Variants in DCC observed in about 807,000 individuals in gnomAD.
The protein encoded by DCC is DCC netrin 1 receptor.
DCC carries 58 observed loss-of-function variants against 172.5 expected under a neutral mutation model. That is an observed-to-expected ratio of 0.34 (90% CI 0.27 to 0.42). DCC has a LOEUF of 0.42. DCC is among the 10% of genes least tolerant of loss of function. The pLI is 1.00. For missense variants in DCC, 1,740 were observed against 1,791.0 expected, an observed-to-expected ratio of 0.97 and a Z score of 0.51; for synonymous variants, 709 against 644.5, an observed-to-expected ratio of 1.10 and a Z score of -1.52.
At chr18:52,454,035 A>G (rs953807785) in intron 1 of DCC, among the ~76,000 whole-genome samples, 3 of 152,168 alleles carry the variant, frequency 2.0e-5, no homozygotes, top group African/African-American at 7.2e-5. Flanking sequence ...GGGGTCAGGA[A>G]GGATGCTTCA....
chr18:52,428,810 A>G (rs1033469061), intron 1 of DCC, among the ~76,000 whole-genome samples: 1 of 152,082 alleles, frequency 6.6e-6, no homozygotes, highest in East Asian at 1.9e-4. Context: ...TATTAATCCA[A>G]CTGTATTTTC....
chr18:52,500,841 T>A (rs2030991177), intron 1 of DCC, among the ~76,000 whole-genome samples: 1 of 152,184 alleles, frequency 6.6e-6, no homozygotes, highest in Admixed American at 6.6e-5. Flanking sequence ...TTTTTGATTC[T>A]TAATTTCCTC....
At chr18:52,724,986 A>C (rs2036530440) in intron 1 of DCC, among the ~76,000 whole-genome samples, 1 of 152,180 alleles carries the variant, frequency 6.6e-6, no homozygotes, top group South Asian at 2.1e-4. Flanking sequence ...TTTCTCACCA[A>C]ATAAAGAAAT....
intron 1 of DCC, among the ~76,000 whole-genome samples, chr18:52,529,453 G>T (rs2032082295): frequency 6.6e-6 from 1 of 152,112 alleles, no homozygotes; most frequent in South Asian, 2.1e-4. Flanking sequence ...ACCACGCCCA[G>T]CTAATTTTTT....
chr18:52,395,288 T>C (rs1598781750), intron 1 of DCC, among the ~76,000 whole-genome samples: 1 of 152,150 alleles, frequency 6.6e-6, no homozygotes, highest in African/African-American at 2.4e-5. Context: ...AAGACAATAA[T>C]ACTATTATCC....
At chr18:53,408,495 C>T (rs545443326) in intron 19 of DCC, among the ~76,000 whole-genome samples, 1 of 152,298 alleles carries the variant, frequency 6.6e-6, no homozygotes, top group South Asian at 2.1e-4. Context: ...AGTCGGGTAT[C>T]TGCTAGCAAG....
At chr18:52,373,632 A>C (rs1985218354) in intron 1 of DCC, among the ~76,000 whole-genome samples, 1 of 152,202 alleles carries the variant, frequency 6.6e-6, no homozygotes, top group East Asian at 1.9e-4. Context: ...CAGCCATTAC[A>C]TGTGAAGGTT....
Position 52,870,733 on chromosome 18 carries a change from G to A in DCC, c.413-35311G>A, listed in dbSNP as rs545826339. On this transcript the variant is annotated intron_variant, in intron 2 of 28. Transcript: ENST00000442544. ...TGACTCAGCAAAATAGGACAGCTTAGGTTCACTATGATTTCATCTCTGACC... is the reference window on the plus strand; with the variant it reads ...TGACTCAGCAAAATAGGACAGCTTAAGTTCACTATGATTTCATCTCTGACC... Among the ~76,000 whole-genome samples the A allele has an allele frequency of 3.1e-5, 4 of 130,028 alleles. No homozygotes were observed. In the South Asian group the frequency reaches 9.5e-4, roughly 31 times the overall value. 85.3% of individuals were successfully genotyped at this position (130,028 alleles called of 152,430 possible).
chr18:52,733,584 T>C (rs1300300261), intron 1 of DCC, among the ~76,000 whole-genome samples: 1 of 152,118 alleles, frequency 6.6e-6, no homozygotes, highest in Non-Finnish European at 1.5e-5. Context: ...AGCCTCAGAC[T>C]CCTGGAATCC....
chr18:53,038,294 T>C (rs540257474), intron 5 of DCC, among the ~76,000 whole-genome samples: 1 of 152,130 alleles, frequency 6.6e-6, no homozygotes, highest in East Asian at 1.9e-4. Flanking sequence ...TAATAATTAC[T>C]ATTGTGTTAG....
At chr18:52,340,922 C>T (rs759799748) in intron 1 of DCC, 44 bp downstream of exon 1, 5 of 1,391,764 alleles carry the variant, frequency 3.6e-6, no homozygotes, top group East Asian at 2.3e-5. Context: ...CCCTTCCGTA[C>T]CCCACTTCCC....
At chr18:53,376,130 G>A (rs1420159020) in intron 15 of DCC, among the ~76,000 whole-genome samples, 1 of 152,088 alleles carries the variant, frequency 6.6e-6, no homozygotes, top group East Asian at 1.9e-4. Flanking sequence ...GGTGACGTGT[G>A]GCTGTAATCC....
At chr18:52,766,297 G>A (rs1007977974) in intron 2 of DCC, among the ~76,000 whole-genome samples, 1 of 152,196 alleles carries the variant, frequency 6.6e-6, no homozygotes, top group African/African-American at 2.4e-5. Context: ...AAGGCCCAGA[G>A]GGTGTGTTAC....
intron 2 of DCC, among the ~76,000 whole-genome samples, chr18:52,761,912 A>C (rs2037166763): frequency 7.0e-6 from 1 of 143,036 alleles, no homozygotes; most frequent in Non-Finnish European, 1.5e-5. Flanking sequence ...CTGTCTCAAA[A>C]AAAAAAAAAA....
chr18:53,165,771 A>G (rs1437645425), intron 8 of DCC, among the ~76,000 whole-genome samples: 6 of 152,182 alleles, frequency 3.9e-5, no homozygotes, highest in African/African-American at 1.4e-4. Flanking sequence ...GTGTATTGAA[A>G]ATAGAAGAGA....
rs533244011 is a variant in DCC at position 52,782,579 on chromosome 18, A to G, written c.412+30205A>G. Among the ~76,000 whole-genome samples, 84 of 152,220 alleles carry G rather than the reference A, an allele frequency of 5.5e-4. 5 individuals carry two copies. The South Asian group carries it at 0.017, about 31-fold the overall frequency. On this transcript the variant is annotated intron_variant, in intron 2 of 28. Coordinates refer to ENST00000442544, the MANE Select transcript of DCC (RefSeq NM_005215.4). ...ACATACTCACCCTTTCTAGCCAAGG[A>G]CTTGCATTCAATCCCAAATACGCTG...
At chr18:53,234,607 T>C (rs143914165) in intron 12 of DCC, among the ~76,000 whole-genome samples, 1 of 152,088 alleles carries the variant, frequency 6.6e-6, no homozygotes, top group African/African-American at 2.4e-5. Flanking sequence ...AAAAGAAAAT[T>C]AGTTATAAAA....
In DCC at chr18:53,163,979, A is replaced by G. The variant is rs1330419997; in HGVS notation, c.1418+6467A>G. ...ATGTTTACCAAGATGAGACTTAAAG[A>G]AGAAGTTTATACCTCCATTATACAG... On this transcript the variant is annotated intron_variant, in intron 8 of 28. Transcript: ENST00000442544. Among the ~76,000 whole-genome samples the G allele has an allele frequency of 2.0e-5, 3 of 152,186 alleles. No individual in the cohort carries two copies. In the East Asian group the frequency reaches 5.8e-4, roughly 29 times the overall value.
chr18:53,180,012 G>A (rs2000696), intron 9 of DCC, among the ~76,000 whole-genome samples: 47,592 of 151,944 alleles, frequency 0.31, 9,242 homozygotes, highest in East Asian at 0.59. Flanking sequence ...TTCATTTTAC[G>A]TGAAACTGTA....
Sources: allele counts gnomAD v4.1 joint callset (sites outside exome capture counted in the v4.1 genomes callset), GRCh38; gene constraint gnomAD v4.1.1; transcripts MANE v1.5; gene names NCBI Gene and HGNC (gene_info 2026-07-23, HGNC 2026-07-21).